DRC7: variants seen among roughly 807,000 people sequenced by gnomAD.
The protein encoded by DRC7 is coiled-coil domain containing 135.
In DRC7, 80 loss-of-function variants were observed where a neutral mutation model predicts 104.4. That is an observed-to-expected ratio of 0.77 (90% CI 0.64 to 0.92). The LOEUF is 0.92. Among genes scored for constraint, DRC7 ranks in the 40% least tolerant of loss-of-function variants. The probability of loss-of-function intolerance (pLI) is 0.00; values close to 1 mark genes in which losing one functional copy is unlikely to be tolerated. For synonymous variants in DRC7, 405 were observed against 447.3 expected, an observed-to-expected ratio of 0.91 and a Z score of 1.19; for missense variants, 1,034 against 1,141.1, an observed-to-expected ratio of 0.91 and a Z score of 1.35.
intron 4 of DRC7, 87 bp downstream of exon 4, chr16:57,699,111 C>A: frequency 2.0e-6 from 3 of 1,484,112 alleles, no homozygotes; most frequent in South Asian, 2.5e-5. Flanking sequence ...TCTCCAAGGT[C>A]ACTGGGCCAA....
At chr16:57,706,047 CCCAT>C (rs1276306526) in intron 7 of DRC7, among the ~76,000 whole-genome samples, 2 of 139,820 alleles carry the variant, frequency 1.4e-5, no homozygotes, top group African/African-American at 2.7e-5. Context: ...CACCCATCCT[CCCAT>C]CCATCCATCC....
At position 57,727,352 on chromosome 16, in the gene DRC7, C is replaced by T; in HGVS notation, c.2139C>T (p.Thr713=). ...AAGAGGAGGCGGCGCACACACTGACCATCTCCATCTATGACACCAAGCGGA... is the reference window on the plus strand; with the variant it reads ...AAGAGGAGGCGGCGCACACACTGACTATCTCCATCTATGACACCAAGCGGA... ...REEEEAAHTL[T]ISIYDTKRNE... Residue 713 remains threonine, a synonymous_variant, in exon 16 of 19, where the codon ACC becomes ACT. Coordinates refer to ENST00000360716, the MANE Select transcript of DRC7 (RefSeq NM_001289162.2). 1 of 1,613,472 alleles carries T rather than the reference C, an allele frequency of 6.2e-7. No homozygotes were observed. The highest frequency in any genetic ancestry group is 8.5e-7 in the Non-Finnish European group (1 of 1,179,928).
At chr16:57,731,098 C>T in intron 18 of DRC7, 28 bp downstream of exon 18, 1 of 1,613,656 alleles carries the variant, frequency 6.2e-7, no homozygotes, top group Non-Finnish European at 8.5e-7. Context: ...GTGGAGAGAA[C>T]CCACTGGGAG....
At position 57,706,190 on chromosome 16, in the gene DRC7, A is replaced by T. The variant is rs369061562; in HGVS notation, c.858+1156A>T. 4.6e-4 allele frequency among the ~76,000 whole-genome samples: 54 copies of T among 116,828 alleles called. 1 individual carries two copies. The highest frequency in any genetic ancestry group is 1.3e-3 in the African/African-American group (38 of 29,484). 76.6% of individuals were successfully genotyped at this position (116,828 alleles called of 152,430 possible). A position where few individuals can be genotyped will look rare whatever the true frequency, so the allele number is the denominator to read the frequency against. On this transcript the variant is annotated intron_variant, in intron 7 of 18. Coordinates refer to ENST00000360716, the MANE Select transcript of DRC7 (RefSeq NM_001289162.2). ...CACCCATCCTCCCATCCTCTCATCC[A>T]TCTATCCTCCCATCCACCCATCCTC...
intron 2 of DRC7, among the ~76,000 whole-genome samples, chr16:57,696,957 G>A (rs559267445): frequency 3.6e-4 from 55 of 152,288 alleles, no homozygotes; most frequent in African/African-American, 1.1e-3. Context: ...CTGTCACCCA[G>A]GCTAGAGTGC....
chr16:57,702,124 C>T lies in DRC7; in HGVS notation c.693C>T (p.Pro231=). 6.2e-7 allele frequency: 1 copy of T among 1,614,056 alleles called. No individual in the cohort carries two copies. The highest frequency in any genetic ancestry group is 1.1e-5 in the South Asian group (1 of 91,092). The change falls in exon 6 of 19, where the codon CCC becomes CCT. Residue 231 remains proline, a synonymous_variant. Transcript: ENST00000360716. ...AGGTGTGCCCACTCACTGTGAAGCC[C>T]AAGGAGGTATGGTCGGGCTTGAGCT... ...TREVCPLTVK[P]KETIKKEEKV... is the part of the protein sequence containing the mutation.
At chr16:57,711,315 A>G (rs2048789575) in intron 8 of DRC7, among the ~76,000 whole-genome samples, 1 of 152,168 alleles carries the variant, frequency 6.6e-6, no homozygotes, top group Non-Finnish European at 1.5e-5. Flanking sequence ...TTCATTCTTA[A>G]TATTGGTAGT....
In DRC7 at chr16:57,707,497, T is replaced by G; in HGVS notation, c.896T>G (p.Leu299Arg). The G allele has an allele frequency of 6.2e-7, 1 of 1,613,328 alleles. No individual in the cohort carries two copies. The highest frequency in any genetic ancestry group is 8.5e-7 in the Non-Finnish European group (1 of 1,179,982). ...EKAKPDALHG[L>R]RVHSWVLVLS... ...GCAAAGCCGGATGCCCTGCACGGCC[T>G]GCGGGTGCACTCCTGGGTCCTTGTG... Residue 299 changes from leucine (L) to arginine (R), a missense_variant, in exon 8 of 19, where the codon CTG becomes CGG. Coordinates refer to ENST00000360716, the MANE Select transcript of DRC7 (RefSeq NM_001289162.2).
chr16:57,724,741 G>A lies in DRC7; in HGVS notation c.1664G>A (p.Arg555His), dbSNP rs138112221. ...ACAATGACAGAGTACTATCAAGGAC[G>A]CCCAGACTTCCTCTCCTACCGCCAT... ...PRTMTEYYQG[R>H]PDFLSYRHAS... The change falls in exon 13 of 19, where the codon CGC becomes CAC. Residue 555 changes from arginine (R) to histidine (H), a missense_variant. Physicochemically the swap from Arg to His is conservative, Grantham distance 29. Coordinates refer to ENST00000360716, the MANE Select transcript of DRC7 (RefSeq NM_001289162.2). 1.2e-4 allele frequency: 189 copies of A among 1,613,770 alleles called. No homozygotes were observed. Among genetic ancestry groups the A allele is most frequent in the Admixed American group, 2.0e-4 (12 of 60,002 alleles).
chr16:57,696,952 A>G (rs1184729111), intron 2 of DRC7, among the ~76,000 whole-genome samples: 1 of 152,138 alleles, frequency 6.6e-6, no homozygotes, highest in Non-Finnish European at 1.5e-5. Flanking sequence ...TCACTCTGTC[A>G]CCCAGGCTAG....
chr16:57,704,915 A>T lies in DRC7; in HGVS notation c.739A>T (p.Thr247Ser). ...KEEKVLPKKY[T>S]IKPPRDLCSR... ...GGAAAAGGTGCTGCCTAAGAAGTAT[A>T]CCATCAAACCCCCCAGGGACCTGTG... Residue 247 changes from threonine (T) to serine (S), a missense_variant, in exon 7 of 19, where the codon ACC becomes TCC. Transcript: ENST00000360716. 1.9e-6 allele frequency: 3 copies of T among 1,613,756 alleles called. No homozygotes were observed. The highest frequency in any genetic ancestry group is 2.5e-6 in the Non-Finnish European group (3 of 1,179,900).
Position 57,718,400 on chromosome 16 carries a change from G to A in DRC7, c.1131G>A (p.Gly377=). The A allele has an allele frequency of 6.2e-7, 1 of 1,614,178 alleles. No homozygotes were observed. The highest frequency in any genetic ancestry group is 2.2e-5 in the East Asian group (1 of 44,886). Residue 377 remains glycine (G), a synonymous_variant, in exon 9 of 19, where the codon GGG becomes GGA. Transcript: ENST00000360716. ...DPVRWEYMLL[G]TDKSQLSLTE... Reference sequence around the variant, plus strand: ...TGAGATGGGAGTACATGCTCCTGGGGACTGATAAGTCTCAGCTGTCCTTGA... The same window carrying A: ...TGAGATGGGAGTACATGCTCCTGGGAACTGATAAGTCTCAGCTGTCCTTGA...
In DRC7 at chr16:57,722,762, G is replaced by T. The variant is rs1318178963; in HGVS notation, c.1329G>T (p.Arg443Ser). 1 of 1,613,896 alleles carries T rather than the reference G, an allele frequency of 6.2e-7. No individual in the cohort carries two copies. Among genetic ancestry groups the T allele is most frequent in the Admixed American group, 1.7e-5 (1 of 60,028 alleles). ...GGAAGAAGGTGATTCAGTACAAGAG[G>T]GCAAAGCTGGAGAAGTGGGCCCCGT... ...PNGKKVIQYK[R>S]AKLEKWAPYL... The change falls in exon 11 of 19, where the codon AGG becomes AGT. Residue 443 changes from arginine to serine, a missense_variant. Physicochemically the swap from Arg to Ser is moderately radical, Grantham distance 110 (BLOSUM62 -1). Coordinates refer to ENST00000360716, the MANE Select transcript of DRC7 (RefSeq NM_001289162.2).
At position 57,718,839 on chromosome 16, in the gene DRC7, A is replaced by G; in HGVS notation, c.1206+364A>G. 1.3e-5 allele frequency among the ~76,000 whole-genome samples: 2 copies of G among 152,008 alleles called. 1 individual carries two copies. The highest frequency in any genetic ancestry group is 2.9e-5 in the Non-Finnish European group (2 of 67,998). ...CCTGTCTCTACAAGAAAATTTAAAA[A>G]TTAGCTGGCTGTGGTGGCATGCACC... On this transcript the variant is annotated intron_variant, in intron 9 of 18. Coordinates refer to ENST00000360716, the MANE Select transcript of DRC7 (RefSeq NM_001289162.2).
At chr16:57,705,834 C>A (rs2048715434) in intron 7 of DRC7, among the ~76,000 whole-genome samples, 1 of 147,160 alleles carries the variant, frequency 6.8e-6, no homozygotes, top group African/African-American at 2.5e-5. Flanking sequence ...TCCCATCCAT[C>A]CATCCTCCCA....
intron 10 of DRC7, among the ~76,000 whole-genome samples, chr16:57,722,151 A>G (rs1295972102): frequency 2.6e-5 from 4 of 152,170 alleles, no homozygotes; most frequent in East Asian, 1.9e-4. Context: ...GTCATGCTCC[A>G]TGTCAATATC....
At chr16:57,711,249 A>G (rs886271142) in intron 8 of DRC7, among the ~76,000 whole-genome samples, 1 of 152,266 alleles carries the variant, frequency 6.6e-6, no homozygotes, top group Non-Finnish European at 1.5e-5. Flanking sequence ...GAAAGTGTTC[A>G]AAATAGCTCC....
At chr16:57,720,191 A>T (rs911579649) in intron 9 of DRC7, among the ~76,000 whole-genome samples, 16 of 152,210 alleles carry the variant, frequency 1.1e-4, no homozygotes, top group African/African-American at 3.9e-4. Context: ...GAAGACTCAC[A>T]CACAGAGAGG....
chr16:57,700,573 G>A (rs1302433205), intron 5 of DRC7, among the ~76,000 whole-genome samples: 1 of 149,842 alleles, frequency 6.7e-6, no homozygotes, highest in Non-Finnish European at 1.5e-5. Flanking sequence ...CTTGAACCTG[G>A]GAAGCGGAAG....
Sources: gnomAD v4.1 joint callset for allele counts (sites outside exome capture counted in the v4.1 genomes callset) on GRCh38, gnomAD v4.1.1 for gene constraint, MANE v1.5 for transcripts, NCBI Gene and HGNC (gene_info 2026-07-23, HGNC 2026-07-21) for gene names.